SLC25A11: variants seen among roughly 807,000 people sequenced by gnomAD.
SLC25A11 encodes mitochondrial 2-oxoglutarate/malate carrier protein.
A neutral mutation model predicts 32.7 loss-of-function variants in SLC25A11; 11 were observed. That is an observed-to-expected ratio of 0.34 (90% CI 0.21 to 0.56). SLC25A11 has a LOEUF of 0.56. Among genes scored for constraint, SLC25A11 ranks in the 20% least tolerant of loss-of-function variants. The pLI is 0.90. For missense variants in SLC25A11, 295 were observed against 426.3 expected (o/e 0.69, Z 2.71); for synonymous variants, 163 against 168.3 (o/e 0.97, Z 0.24).
Position 4,939,062 on chromosome 17 carries a change from A to C in SLC25A11, c.246T>G (p.Thr82=). The part of the protein sequence containing the change: ...LKAEGLRGIY[T]GLSAGLLRQA... ...CCTCCATCCTGAGGCCCCAATACCC[A>C]GTGTAAATGCCCCTCAGGCCTTCTG... Residue 82 remains threonine (T), a splice_region_variant and synonymous_variant, in exon 2 of 8, where the codon ACT becomes ACG. Transcript: ENST00000225665. The surrounding 1 kb of genome is among the most constrained non-coding windows in gnomAD (Gnocchi z 4.1). The C allele has an allele frequency of 6.2e-7, 1 of 1,614,198 alleles. No individual in the cohort carries two copies. Among genetic ancestry groups the C allele is most frequent in the South Asian group, 1.1e-5 (1 of 91,086 alleles).
rs1288995873 is a variant in SLC25A11 at position 4,938,329 on chromosome 17, T to C, written c.637+10A>G. 3.7e-6 allele frequency: 6 copies of C among 1,613,978 alleles called. No homozygotes were observed. The African/African-American group carries it at 8.0e-5, about 22-fold the overall frequency. ...AGGCTGGGAACTAAGGGCCCAGCTC[T>C]GGATCTCACCTGAGTCCAGTAAGAA... On this transcript the variant is annotated intron_variant, in intron 5 of 7. Transcript: ENST00000225665. This position sits in a 1 kb window ranked among gnomAD's most constrained non-coding sequence, Gnocchi z 7.6.
rs771467226 is a variant in SLC25A11 at position 4,938,091 on chromosome 17, A to C, written c.738-17T>G. 6.2e-7 allele frequency: 1 copy of C among 1,614,046 alleles called. No homozygotes were observed. The highest frequency in any genetic ancestry group is 1.7e-5 in the Admixed American group (1 of 60,004). On this transcript the variant is annotated splice_polypyrimidine_tract_variant and intron_variant, in intron 6 of 7. Transcript: ENST00000225665. This position sits in a 1 kb window ranked among gnomAD's most constrained non-coding sequence, Gnocchi z 7.6. ...TTCTGGATTCTGCAGGAGAGGACGCAGGGGCATGAGAGACCGAAAGGGCAC... is the reference window on the plus strand; with the variant it reads ...TTCTGGATTCTGCAGGAGAGGACGCCGGGGCATGAGAGACCGAAAGGGCAC...
At position 4,939,165 on chromosome 17, in the gene SLC25A11, C is replaced by T; in HGVS notation, c.143G>A (p.Arg48Gln). 3 of 1,613,108 alleles carry T rather than the reference C, an allele frequency of 1.9e-6. No individual in the cohort carries two copies. Among genetic ancestry groups the T allele is most frequent in the Non-Finnish European group, 2.5e-6 (3 of 1,179,148 alleles). The part of the protein sequence containing the change: ...FVQPLDLVKN[R>Q]MQLSGEGAKT... ...GGCCCCTTCCCCGCTCAACTGCATCCGGTTCTTCACCAGGTCCAGGGGCTG... is the reference window on the plus strand; with the variant it reads ...GGCCCCTTCCCCGCTCAACTGCATCTGGTTCTTCACCAGGTCCAGGGGCTG... Residue 48 changes from arginine (R) to glutamine (Q), a missense_variant, in exon 2 of 8, where the codon CGG (arginine) becomes CAG (glutamine). Arg to Gln is a conservative substitution (Grantham distance 43). This residue lies in a region of SLC25A11 where 104 missense variants were observed against 121.5 expected (regional missense o/e 0.86). Coordinates refer to ENST00000225665, the MANE Select transcript of SLC25A11 (RefSeq NM_003562.5). This position sits in a 1 kb window ranked among gnomAD's most constrained non-coding sequence, Gnocchi z 4.1.
In SLC25A11 at chr17:4,939,769, T is replaced by C; in HGVS notation, c.95+47A>G. On this transcript the variant is annotated intron_variant, in intron 1 of 7. Transcript: ENST00000225665. This position sits in a 1 kb window ranked among gnomAD's most constrained non-coding sequence, Gnocchi z 4.1. ...GAGATGAACCGGGCCCGGTTCCTTTTGCCCTTCCCTTCCTCCTCTTTTCCC... is the reference window on the plus strand; with the variant it reads ...GAGATGAACCGGGCCCGGTTCCTTTCGCCCTTCCCTTCCTCCTCTTTTCCC... 1 of 1,498,552 alleles carries C rather than the reference T, an allele frequency of 6.7e-7. No individual in the cohort carries two copies. Among genetic ancestry groups the C allele is most frequent in the Non-Finnish European group, 9.2e-7 (1 of 1,081,222 alleles). 92.8% of individuals were successfully genotyped at this position (1,498,552 alleles called of 1,614,324 possible).
In SLC25A11 at chr17:4,938,323, C is replaced by T. The variant is rs1455777791; in HGVS notation, c.637+16G>A. 3.3e-5 allele frequency: 54 copies of T among 1,613,986 alleles called. No homozygotes were observed. Among genetic ancestry groups the T allele is most frequent in the Non-Finnish European group, 4.5e-5 (53 of 1,179,936 alleles). ...CAGGCCAGGCTGGGAACTAAGGGCC[C>T]AGCTCTGGATCTCACCTGAGTCCAG... On this transcript the variant is annotated intron_variant, in intron 5 of 7. Transcript: ENST00000225665. This position sits in a 1 kb window ranked among gnomAD's most constrained non-coding sequence, Gnocchi z 7.6.
chr17:4,939,285 A>T lies in SLC25A11; in HGVS notation c.96-73T>A. The T allele has an allele frequency of 6.6e-7, 1 of 1,504,636 alleles. No homozygotes were observed. Among genetic ancestry groups the T allele is most frequent in the Non-Finnish European group, 9.0e-7 (1 of 1,115,042 alleles). The allele number at this position is 1,504,636 out of a possible 1,614,324, so 93.2% of individuals were successfully genotyped here. ...CCAGTGCCCACTGGAGCCTGGCAGC[A>T]AGAGGTTACAAAGGTCAGGGCCTGC... On this transcript the variant is annotated intron_variant, in intron 1 of 7. Coordinates refer to ENST00000225665, the MANE Select transcript of SLC25A11 (RefSeq NM_003562.5). The surrounding 1 kb of genome is among the most constrained non-coding windows in gnomAD (Gnocchi z 4.1).
rs544829662 is a variant in SLC25A11 at position 4,937,690 on chromosome 17, C to G, written c.*51G>C. 41 of 1,547,832 alleles carry G rather than the reference C, an allele frequency of 2.6e-5. No homozygotes were observed. In the South Asian group the frequency reaches 5.1e-4, roughly 19 times the overall value. Reference sequence around the variant, plus strand: ...TCCAGGGCAGCAGAGCCCAGGCCCCCAGGGCGCAGTGGCTATAGGCGCAGC... The same window carrying G: ...TCCAGGGCAGCAGAGCCCAGGCCCCGAGGGCGCAGTGGCTATAGGCGCAGC... On this transcript the variant is annotated 3_prime_UTR_variant, in exon 8 of 8. Coordinates refer to ENST00000225665, the MANE Select transcript of SLC25A11 (RefSeq NM_003562.5).
In SLC25A11 at chr17:4,937,864, G is replaced by A. The variant is rs1431497243; in HGVS notation, c.822C>T (p.Gly274=). The change falls in exon 8 of 8, where the codon GGC becomes GGT. Residue 274 remains glycine, a synonymous_variant. Transcript: ENST00000225665. ...TGAAGCCCTTCCACAGGCTGAAGAAGCCCTCGTAGCGGACAACTTTGAACA... is the reference window on the plus strand; with the variant it reads ...TGAAGCCCTTCCACAGGCTGAAGAAACCCTCGTAGCGGACAACTTTGAACA... ...DVLFKVVRYE[G]FFSLWKGFTP... The A allele has an allele frequency of 1.2e-6, 2 of 1,613,996 alleles. No individual in the cohort carries two copies. Among genetic ancestry groups the A allele is most frequent in the Admixed American group, 1.7e-5 (1 of 59,996 alleles).
rs1970479746 is a variant in SLC25A11, at chr17:4,938,287, C to G, written c.638-34G>C. 1 of 1,612,926 alleles carries G rather than the reference C, an allele frequency of 6.2e-7. No homozygotes were observed. The highest frequency in any genetic ancestry group is 1.3e-5 in the African/African-American group (1 of 74,900). ...GGTGAGGCGGGGGTGGCAGTCAGCTCAGAGGTGGCTCAGGCCAGGCTGGGA... is the reference window on the plus strand; with the variant it reads ...GGTGAGGCGGGGGTGGCAGTCAGCTGAGAGGTGGCTCAGGCCAGGCTGGGA... On this transcript the variant is annotated intron_variant, in intron 5 of 7. Transcript: ENST00000225665. The surrounding 1 kb of genome is among the most constrained non-coding windows in gnomAD (Gnocchi z 7.6).
At position 4,938,364 on chromosome 17, in the gene SLC25A11, T is replaced by C. The variant is rs748752871; in HGVS notation, c.612A>G (p.Gln204=). Residue 204 remains glutamine (Q), a synonymous_variant, in exon 5 of 8, where the codon CAA becomes CAG. Transcript: ENST00000225665. The surrounding 1 kb of genome is among the most constrained non-coding windows in gnomAD (Gnocchi z 7.6). ...VNAAQLASYS[Q]SKQFLLDSGY... ...CTGAGTCCAGTAAGAACTGCTTGGATTGGGAGTAGGAGGCGAGCTGGGCAG... is the reference window on the plus strand; with the variant it reads ...CTGAGTCCAGTAAGAACTGCTTGGACTGGGAGTAGGAGGCGAGCTGGGCAG... 1.2e-6 allele frequency: 2 copies of C among 1,613,690 alleles called. No homozygotes were observed. Among genetic ancestry groups the C allele is most frequent in the African/African-American group, 2.7e-5 (2 of 74,786 alleles).
Position 4,937,642 on chromosome 17 carries a change from T to C in SLC25A11, c.*99A>G. 7.2e-7 allele frequency: 1 copy of C among 1,396,034 alleles called. No homozygotes were observed. 86.5% of individuals were successfully genotyped at this position (1,396,034 alleles called of 1,614,324 possible). A position where few individuals can be genotyped will look rare whatever the true frequency, so the allele number is the denominator to read the frequency against. ...TACCGCAGAGGAAGAAACCACACTG[T>C]GGAAGGGAAATAAATAGAGGGGTCC... On this transcript the variant is annotated 3_prime_UTR_variant, in exon 8 of 8. Coordinates refer to ENST00000225665, the MANE Select transcript of SLC25A11 (RefSeq NM_003562.5).
rs574852433 is a variant in SLC25A11, at chr17:4,939,373, T to C, written c.96-161A>G. 194 of 787,908 alleles carry C rather than the reference T, an allele frequency of 2.5e-4. 1 individual carries two copies. In the South Asian group the frequency reaches 3.4e-3, roughly 14 times the overall value. The allele number at this position is 787,908 out of a possible 1,614,324, so 48.8% of individuals were successfully genotyped here. A position where few individuals can be genotyped will look rare whatever the true frequency, so the allele number is the denominator to read the frequency against. On this transcript the variant is annotated intron_variant, in intron 1 of 7. Coordinates refer to ENST00000225665, the MANE Select transcript of SLC25A11 (RefSeq NM_003562.5). The surrounding 1 kb of genome is among the most constrained non-coding windows in gnomAD (Gnocchi z 4.1). ...TATAAGAGTCTATATGTACACCAAG[T>C]GCAACGGGTCTGAAAAGTCTAGTTG...
At chr17:4,937,955 C>CA in intron 7 of SLC25A11, 59 bp from the exon 8 acceptor site, 1 of 1,613,326 alleles carries the variant, frequency 6.2e-7, no homozygotes, top group Admixed American at 1.7e-5. Flanking sequence ...CCCCCTCACC[C>CA]AGCTGCCTTC....
rs752863485 is a variant in SLC25A11, at chr17:4,938,105, C to T, written c.738-31G>A. ...GGAGAGGACGCAGGGGCATGAGAGA[C>T]CGAAAGGGCACCCTCCCACCCACCT... On this transcript the variant is annotated intron_variant, in intron 6 of 7. Coordinates refer to ENST00000225665, the MANE Select transcript of SLC25A11 (RefSeq NM_003562.5). The surrounding 1 kb of genome is among the most constrained non-coding windows in gnomAD (Gnocchi z 7.6). 1 of 1,614,158 alleles carries T rather than the reference C, an allele frequency of 6.2e-7. No individual in the cohort carries two copies. The highest frequency in any genetic ancestry group is 1.1e-5 in the South Asian group (1 of 91,088).
In SLC25A11 at chr17:4,937,606, A is replaced by T; in HGVS notation, c.*135T>A. On this transcript the variant is annotated 3_prime_UTR_variant, in exon 8 of 8. Coordinates refer to ENST00000225665, the MANE Select transcript of SLC25A11 (RefSeq NM_003562.5). ...CAAGCTGGAGCAGGGGGTAGAACAG[A>T]CCAAGTCCTTTACCGCAGAGGAAGA... 2 of 1,069,600 alleles carry T rather than the reference A, an allele frequency of 1.9e-6. No homozygotes were observed. The highest frequency in any genetic ancestry group is 2.7e-6 in the Non-Finnish European group (2 of 752,552). 66.3% of individuals were successfully genotyped at this position (1,069,600 alleles called of 1,614,324 possible). A position where few individuals can be genotyped will look rare whatever the true frequency, so the allele number is the denominator to read the frequency against.
chr17:4,939,965 C>A lies in SLC25A11; in HGVS notation c.-55G>T. The stretch of plus-strand genomic sequence containing the variant: ...CCGTGCGCGCGCGGCCCCGCTCGCG[C>A]CCAAGGTGACACCGCGCGCGCAACA... On this transcript the variant is annotated 5_prime_UTR_variant, in exon 1 of 8. Transcript: ENST00000225665. The surrounding 1 kb of genome is among the most constrained non-coding windows in gnomAD (Gnocchi z 4.1). 7.2e-7 allele frequency: 1 copy of A among 1,384,822 alleles called. No individual in the cohort carries two copies. The highest frequency in any genetic ancestry group is 9.8e-7 in the Non-Finnish European group (1 of 1,021,548). The allele number at this position is 1,384,822 out of a possible 1,614,324, so 85.8% of individuals were successfully genotyped here.
Position 4,939,363 on chromosome 17 carries a change from G to A in SLC25A11, c.96-151C>T. ...TGAGCATGTGTATAAGAGTCTATAT[G>A]TACACCAAGTGCAACGGGTCTGAAA... On this transcript the variant is annotated intron_variant, in intron 1 of 7. Coordinates refer to ENST00000225665, the MANE Select transcript of SLC25A11 (RefSeq NM_003562.5). This position sits in a 1 kb window ranked among gnomAD's most constrained non-coding sequence, Gnocchi z 4.1. 4 of 837,994 alleles carry A rather than the reference G, an allele frequency of 4.8e-6. No homozygotes were observed. The highest frequency in any genetic ancestry group is 7.2e-6 in the Non-Finnish European group (4 of 553,852). 51.9% of individuals were successfully genotyped at this position (837,994 alleles called of 1,614,324 possible).
Position 4,939,642 on chromosome 17 carries a change from A to T in SLC25A11, c.95+174T>A. ...TGTGCAACGACCCTGCATGCAGTCCATAAGGGTCCTGCAATGGGGCCCTAG... is the reference window on the plus strand; with the variant it reads ...TGTGCAACGACCCTGCATGCAGTCCTTAAGGGTCCTGCAATGGGGCCCTAG... On this transcript the variant is annotated intron_variant, in intron 1 of 7. Transcript: ENST00000225665. This position sits in a 1 kb window ranked among gnomAD's most constrained non-coding sequence, Gnocchi z 4.1. 1.5e-6 allele frequency: 1 copy of T among 670,234 alleles called. No homozygotes were observed. 41.5% of individuals were successfully genotyped at this position (670,234 alleles called of 1,614,324 possible).
Position 4,939,887 on chromosome 17 carries a change from C to A in SLC25A11, c.24G>T (p.Gly8=). 1 of 1,611,286 alleles carries A rather than the reference C, an allele frequency of 6.2e-7. No individual in the cohort carries two copies. Among genetic ancestry groups the A allele is most frequent in the Non-Finnish European group, 8.5e-7 (1 of 1,179,372 alleles). Residue 8 remains glycine, a synonymous_variant, in exon 1 of 8, where the codon GGG becomes GGT. Transcript: ENST00000225665. This position sits in a 1 kb window ranked among gnomAD's most constrained non-coding sequence, Gnocchi z 4.1. The part of the protein sequence containing the change: MAATASA[G]AGGIDGKPRT... ...GGGGCTTCCCGTCTATCCCGCCGGC[C>A]CCGGCACTCGCCGTCGCCGCCATCG...
Sources: gnomAD v4.1 joint callset for allele counts on GRCh38, gnomAD v4.1.1 for gene constraint, gnomAD v4.1.1 regional missense constraint, Gnocchi (gnomAD v3.1) non-coding constraint, MANE v1.5 for transcripts, NCBI Gene and HGNC (gene_info 2026-07-23, HGNC 2026-07-21) for gene names.